The following ZNF536 variants were observed in gnomAD, a reference collection of about 807,000 sequenced individuals.
ZNF536 encodes zinc finger protein 536.
A neutral mutation model predicts 84.5 loss-of-function variants in ZNF536; 13 were observed. The ratio of observed to expected loss-of-function variants is 0.15; its 90% CI spans 0.10 to 0.24. The LOEUF (loss-of-function observed/expected upper bound fraction) is 0.24, where lower values mean the gene tolerates loss of function less well. Ranked by LOEUF, ZNF536 falls within the 10% of genes least tolerant of loss-of-function variation. ZNF536 has a pLI of 1.00. For missense variants in ZNF536, 1,536 were observed against 1,747.5 expected (o/e 0.88, Z 2.16); for synonymous variants, 811 against 742.5 (o/e 1.09, Z -1.50).
chr19:30,453,564 T>C (rs1255342670), intron 2 of ZNF536, among the ~76,000 whole-genome samples: 1 of 152,220 alleles, frequency 6.6e-6, no homozygotes, highest in Non-Finnish European at 1.5e-5. Context: ...GCTGTGCCTC[T>C]GAAATGTGCC....
chr19:30,305,186 G>A (rs1317517791), intron 2 of ZNF536, among the ~76,000 whole-genome samples: 1 of 152,200 alleles, frequency 6.6e-6, no homozygotes, highest in Non-Finnish European at 1.5e-5. Flanking sequence ...GTTCCCCACT[G>A]TAGTTGAGTA....
At chr19:30,626,683 G>A (rs1165945925) in intron 1 of ZNF536, among the ~76,000 whole-genome samples, 1 of 152,172 alleles carries the variant, frequency 6.6e-6, no homozygotes, top group East Asian at 1.9e-4. Context: ...GCCCCTGCAC[G>A]ACGCAAGGAA....
intron 1 of ZNF536, among the ~76,000 whole-genome samples, chr19:30,260,848 G>A (rs1203493357): frequency 6.6e-6 from 1 of 152,162 alleles, no homozygotes; most frequent in Non-Finnish European, 1.5e-5. Flanking sequence ...CTAGAAATAA[G>A]GAGACAAAGA....
intron 2 of ZNF536, among the ~76,000 whole-genome samples, chr19:30,492,470 T>C (rs2054547228): frequency 6.6e-6 from 1 of 152,230 alleles, no homozygotes; most frequent in South Asian, 2.1e-4. Flanking sequence ...AGGTATCATA[T>C]ATCAGAACAT....
chr19:30,565,968 G>A (rs1402005698), intron 1 of ZNF536, among the ~76,000 whole-genome samples: 3 of 152,108 alleles, frequency 2.0e-5, no homozygotes, highest in Non-Finnish European at 1.5e-5. Flanking sequence ...AGTCCTCCAA[G>A]ACACAGCATT....
At chr19:30,615,841 G>A (rs2048275587) in intron 1 of ZNF536, among the ~76,000 whole-genome samples, 1 of 151,788 alleles carries the variant, frequency 6.6e-6, no homozygotes. Context: ...TTCATATTGA[G>A]GTTTATTTCT....
At chr19:30,499,046 T>C (rs923188125) in intron 2 of ZNF536, among the ~76,000 whole-genome samples, 3 of 150,806 alleles carry the variant, frequency 2.0e-5, no homozygotes, top group Admixed American at 6.6e-5. Flanking sequence ...TTTTTTTTTT[T>C]CAAATGCCAT....
intron 2 of ZNF536, among the ~76,000 whole-genome samples, chr19:30,339,588 G>A (rs1222480363): frequency 1.3e-5 from 2 of 152,206 alleles, no homozygotes; most frequent in East Asian, 3.9e-4. Flanking sequence ...AGCCTTCCAG[G>A]GATCTAGGAT....
chr19:30,696,895 T>G (rs2033498), intron 1 of ZNF536, among the ~76,000 whole-genome samples: 7,238 of 152,298 alleles, frequency 0.048, 222 homozygotes, highest in East Asian at 0.13. Flanking sequence ...CAAGACACAG[T>G]GCAGGTTGAG....
At chr19:30,411,868 A>T (rs905011018) in intron 1 of ZNF536, among the ~76,000 whole-genome samples, 14 of 151,666 alleles carry the variant, frequency 9.2e-5, no homozygotes, top group East Asian at 3.8e-4. Context: ...GATTAATTTT[A>T]AAAAAATTTA....
At chr19:30,636,603 C>T (rs2049075882) in intron 1 of ZNF536, among the ~76,000 whole-genome samples, 1 of 152,114 alleles carries the variant, frequency 6.6e-6, no homozygotes, top group African/African-American at 2.4e-5. Flanking sequence ...GTTGGATTTC[C>T]CCCACCCATT....
chr19:30,256,581 C>T (rs954178027), intron 1 of ZNF536, among the ~76,000 whole-genome samples: 1 of 152,168 alleles, frequency 6.6e-6, no homozygotes, highest in Non-Finnish European at 1.5e-5. Flanking sequence ...GTGACACAGG[C>T]GTCCAGAAAG....
At chr19:30,323,607 A>G (rs1408299003) in intron 2 of ZNF536, among the ~76,000 whole-genome samples, 1 of 152,164 alleles carries the variant, frequency 6.6e-6, no homozygotes, top group East Asian at 1.9e-4. Context: ...TTCATGATGA[A>G]TCAGATCCAG....
At chr19:30,524,071 A>C (rs1028748741) in intron 2 of ZNF536, among the ~76,000 whole-genome samples, 4 of 152,338 alleles carry the variant, frequency 2.6e-5, no homozygotes, top group South Asian at 4.1e-4. Flanking sequence ...CGACGGCGGC[A>C]GGCTCACAAG....
At chr19:30,657,484 G>T (rs772538710) in intron 1 of ZNF536, among the ~76,000 whole-genome samples, 2 of 152,194 alleles carry the variant, frequency 1.3e-5, no homozygotes, top group Non-Finnish European at 2.9e-5. Flanking sequence ...CGGTATTCCT[G>T]CCACTGCTCC....
intron 1 of ZNF536, among the ~76,000 whole-genome samples, chr19:30,706,123 G>T (rs1043406419): frequency 6.6e-6 from 1 of 152,168 alleles, no homozygotes; most frequent in Non-Finnish European, 1.5e-5. Flanking sequence ...TTTGTAGGGA[G>T]GGTGGCTTCC....
At chr19:30,446,823 A>ACAG (rs2052372031) in intron 2 of ZNF536, among the ~76,000 whole-genome samples, 1 of 133,104 alleles carries the variant, frequency 7.5e-6, no homozygotes, top group Non-Finnish European at 1.7e-5. Context: ...AACAACAACA[A>ACAG]CAACAACAAC....
intron 1 of ZNF536, among the ~76,000 whole-genome samples, chr19:30,599,834 C>T (rs16964392): frequency 0.032 from 4,903 of 152,274 alleles, 279 homozygotes; most frequent in African/African-American, 0.11. Flanking sequence ...CATGGACCGT[C>T]TTGTGGCCTC....
chr19:30,283,928 G>T (rs1245812423), intron 1 of ZNF536: 2 of 152,328 alleles, frequency 1.3e-5, no homozygotes, highest in African/African-American at 2.4e-5. Context: ...ATTGCTCAAA[G>T]AATTGGGGGC....
Sources: allele counts gnomAD v4.1 joint callset (sites outside exome capture counted in the v4.1 genomes callset), GRCh38; gene constraint gnomAD v4.1.1; transcripts MANE v1.5; gene names NCBI Gene and HGNC (gene_info 2026-07-23, HGNC 2026-07-21).